The following SLC25A24 variants were observed in gnomAD, a reference collection of about 807,000 sequenced individuals.
SLC25A24 encodes the protein solute carrier family 25 member 24, also known as mitochondrial adenyl nucleotide antiporter SLC25A24.
SLC25A24 carries 49 observed loss-of-function variants against 60.7 expected under a neutral mutation model. The observed-to-expected ratio is 0.81, with a 90% CI of 0.64 to 1.02. SLC25A24 has a LOEUF of 1.02. Ranked by LOEUF, SLC25A24 falls within the 50% of genes least tolerant of loss-of-function variation. SLC25A24 has a pLI of 0.00. For synonymous variants in SLC25A24, 202 were observed against 200.6 expected (o/e 1.01, Z -0.06); for missense variants, 564 against 586.3 (o/e 0.96, Z 0.39).
At chr1:108,189,079 A>G (rs912546247) in intron 1 of SLC25A24, among the ~76,000 whole-genome samples, 1 of 152,148 alleles carries the variant, frequency 6.6e-6, no homozygotes, top group Non-Finnish European at 1.5e-5. Flanking sequence ...TCTCTTAGTC[A>G]TTTGTTCCTT....
chr1:108,168,779 G>A (rs1369026501), intron 3 of SLC25A24, among the ~76,000 whole-genome samples: 1 of 152,068 alleles, frequency 6.6e-6, no homozygotes, highest in African/African-American at 2.4e-5. Flanking sequence ...CCTTCTCTTT[G>A]TCTTTCCACT....
At chr1:108,196,886 T>C (rs369026170) in intron 1 of SLC25A24, among the ~76,000 whole-genome samples, 8 of 152,286 alleles carry the variant, frequency 5.3e-5, no homozygotes, top group African/African-American at 1.9e-4. Flanking sequence ...TGAAGACTTT[T>C]AAAAGGAAAT....
chr1:108,199,508 T>C (rs61799378), intron 1 of SLC25A24: 47,577 of 210,542 alleles, frequency 0.23, 6,413 homozygotes, highest in East Asian at 0.44. Flanking sequence ...TTTCAAACAG[T>C]AGACAATACA....
At chr1:108,179,580 TA>T (rs1378389277) in intron 3 of SLC25A24, among the ~76,000 whole-genome samples, 1 of 152,140 alleles carries the variant, frequency 6.6e-6, no homozygotes, top group South Asian at 2.1e-4. Context: ...ATTCGGCCAT[TA>T]AAAAAAGAAG....
At chr1:108,152,272 C>T (rs591141) in intron 6 of SLC25A24, among the ~76,000 whole-genome samples, 117,474 of 152,118 alleles carry the variant, frequency 0.77, 45,827 homozygotes, top group African/African-American at 0.88. Flanking sequence ...AGTGAACCAC[C>T]TTCAGTCTCT....
chr1:108,154,825 T>C (rs1160463328), intron 6 of SLC25A24, among the ~76,000 whole-genome samples, 158 bp downstream of exon 6: 2 of 152,204 alleles, frequency 1.3e-5, no homozygotes, highest in Non-Finnish European at 2.9e-5. Flanking sequence ...TCTGATTTTA[T>C]TTAGTCTAAT....
chr1:108,192,457 C>T lies in SLC25A24; in HGVS notation c.184-6503G>A, dbSNP rs1393753167. On this transcript the variant is annotated intron_variant, in intron 1 of 9. Coordinates refer to ENST00000565488, the MANE Select transcript of SLC25A24 (RefSeq NM_013386.5). Reference sequence around the variant, plus strand: ...CCCAATGCCTCTCCAGGGCTCCCAGCCCCAACGTCTCTCTGATTACAGCCC... The same window carrying T: ...CCCAATGCCTCTCCAGGGCTCCCAGTCCCAACGTCTCTCTGATTACAGCCC... 2 of 1,397,576 alleles carry T rather than the reference C, an allele frequency of 1.4e-6. 1 individual carries two copies. The highest frequency in any genetic ancestry group is 4.3e-5 in the Admixed American group (2 of 46,174). 86.6% of individuals were successfully genotyped at this position (1,397,576 alleles called of 1,614,324 possible). A position where few individuals can be genotyped will look rare whatever the true frequency, so the allele number is the denominator to read the frequency against.
At chr1:108,144,100 T>C (rs896791270) in intron 7 of SLC25A24, among the ~76,000 whole-genome samples, 7 of 152,142 alleles carry the variant, frequency 4.6e-5, no homozygotes, top group Non-Finnish European at 7.3e-5. Flanking sequence ...TACTATTAAC[T>C]GATATGGAGG....
At chr1:108,163,777 C>A (rs1680162687) in intron 3 of SLC25A24, among the ~76,000 whole-genome samples, 1 of 151,884 alleles carries the variant, frequency 6.6e-6, no homozygotes, top group East Asian at 1.9e-4. Flanking sequence ...ATTGAATACC[C>A]TTTATTTCCT....
chr1:108,174,615 T>G (rs1403941984), intron 3 of SLC25A24, among the ~76,000 whole-genome samples: 1 of 151,984 alleles, frequency 6.6e-6, no homozygotes, highest in Non-Finnish European at 1.5e-5. Context: ...GTACCCAGAA[T>G]AGTAGATCCA....
chr1:108,160,031 T>A (rs1183311523), intron 4 of SLC25A24, among the ~76,000 whole-genome samples: 14 of 136,642 alleles, frequency 1.0e-4, no homozygotes, highest in African/African-American at 3.6e-4. Flanking sequence ...CTCACTTCCC[T>A]GTAGGGGCGG....
chr1:108,144,464 A>G (rs1679531629), intron 7 of SLC25A24, among the ~76,000 whole-genome samples: 1 of 152,048 alleles, frequency 6.6e-6, no homozygotes, highest in African/African-American at 2.4e-5. Flanking sequence ...AAGTTCTGGG[A>G]TACATGTGCA....
chr1:108,176,278 A>T (rs991869587), intron 3 of SLC25A24, among the ~76,000 whole-genome samples: 1 of 152,164 alleles, frequency 6.6e-6, no homozygotes, highest in African/African-American at 2.4e-5. Flanking sequence ...GTGATCAAGA[A>T]GAAGAAAGAA....
chr1:108,156,683 C>T (rs532739771), intron 5 of SLC25A24, among the ~76,000 whole-genome samples: 1 of 152,292 alleles, frequency 6.6e-6, no homozygotes, highest in South Asian at 2.1e-4. Flanking sequence ...TTCCAGTGTA[C>T]CAGACATTAT....
intron 3 of SLC25A24, among the ~76,000 whole-genome samples, chr1:108,175,253 T>G (rs1183115362): frequency 2.0e-5 from 3 of 152,214 alleles, no homozygotes; most frequent in Non-Finnish European, 4.4e-5. Context: ...CTCATTCTGA[T>G]GTTCTCATGA....
At chr1:108,180,617 TCTCTC>T (rs768643595) in intron 3 of SLC25A24, among the ~76,000 whole-genome samples, 1,488 of 7,466 alleles carry the variant, frequency 0.2, 20 homozygotes, top group Non-Finnish European at 0.38. Flanking sequence ...AAGAGAAAGA[TCTCTC>T]TCTCTCTCTC....
In SLC25A24 at chr1:108,200,221, C is replaced by CGGGCT; in HGVS notation, c.-88_-84dup. 2 of 1,318,804 alleles carry CGGGCT rather than the reference C, an allele frequency of 1.5e-6. No individual in the cohort carries two copies. Among genetic ancestry groups the CGGGCT allele is most frequent in the Non-Finnish European group, 2.0e-6 (2 of 1,016,316 alleles). The allele number at this position is 1,318,804 out of a possible 1,614,324, so 81.7% of individuals were successfully genotyped here. On this transcript the variant is annotated 5_prime_UTR_variant, in exon 1 of 10. Transcript: ENST00000565488. ...GGCGAGACCGGGACCAGCGCGAGGCCGGGCTGGGCGGGGCGCGCGGCGCAA... is the reference window on the plus strand; with the variant it reads ...GGCGAGACCGGGACCAGCGCGAGGCCGGGCTGGGCTGGGCGGGGCGCGCGGCGCAA...
intron 6 of SLC25A24, among the ~76,000 whole-genome samples, chr1:108,153,009 G>C (rs1193995489): frequency 6.6e-6 from 1 of 152,182 alleles, no homozygotes; most frequent in African/African-American, 2.4e-5. Context: ...AGATGACCAT[G>C]CATGGTGGCC....
intron 8 of SLC25A24, 63 bp downstream of exon 8, chr1:108,143,480 T>C (rs1328930218): frequency 6.5e-6 from 9 of 1,374,672 alleles, no homozygotes; most frequent in Middle Eastern, 1.9e-4. Flanking sequence ...CTTCTTCATA[T>C]AAAGTCCAAT....
Sources: allele counts gnomAD v4.1 joint callset (sites outside exome capture counted in the v4.1 genomes callset), GRCh38; gene constraint gnomAD v4.1.1; transcripts MANE v1.5; gene names NCBI Gene and HGNC (gene_info 2026-07-23, HGNC 2026-07-21).